DSE: variants seen among roughly 807,000 people sequenced by gnomAD.
DSE encodes the protein dermatan-sulfate epimerase.
In DSE, 36 loss-of-function variants were observed where a neutral mutation model predicts 84.4. The observed-to-expected ratio is 0.43, with a 90% CI of 0.33 to 0.56. The LOEUF is 0.56. Among genes scored for constraint, DSE ranks in the 20% least tolerant of loss-of-function variants. DSE has a pLI of 0.06. For synonymous variants in DSE, 410 were observed against 430.1 expected (o/e 0.95, Z 0.58); for missense variants, 862 against 1,169.6 (o/e 0.74, Z 3.84).
chr6:116,430,629 C>T (rs949171460), intron 3 of DSE, among the ~76,000 whole-genome samples: 3 of 152,126 alleles, frequency 2.0e-5, no homozygotes, highest in Non-Finnish European at 2.9e-5. Flanking sequence ...GCAAGCTCCA[C>T]CTCCCGGGTT....
chr6:116,413,044 A>G (rs772782725), intron 2 of DSE, among the ~76,000 whole-genome samples: 4 of 151,996 alleles, frequency 2.6e-5, no homozygotes, highest in South Asian at 2.1e-4. Flanking sequence ...ATTCTTTTCT[A>G]TGCCTGCCTA....
intron 1 of DSE, among the ~76,000 whole-genome samples, chr6:116,394,355 C>T (rs1233431781): frequency 1.3e-5 from 2 of 151,974 alleles, no homozygotes; most frequent in African/African-American, 2.4e-5. Flanking sequence ...TTGGCCTACA[C>T]GTAATGCTAA....
chr6:116,342,691 G>C (rs140383887), intron 2 of DSE, among the ~76,000 whole-genome samples: 1 of 152,326 alleles, frequency 6.6e-6, no homozygotes, highest in African/African-American at 2.4e-5. Flanking sequence ...ATACAGGAGA[G>C]GTTCCAAGAT....
At chr6:116,299,873 T>C (rs10456907) in intron 2 of DSE, among the ~76,000 whole-genome samples, 35,906 of 151,890 alleles carry the variant, frequency 0.24, 5,598 homozygotes, top group Non-Finnish European at 0.36. Flanking sequence ...GAATGTTACC[T>C]AACACATTTT....
intron 2 of DSE, among the ~76,000 whole-genome samples, chr6:116,407,012 A>C (rs1282654230): frequency 2.0e-5 from 3 of 152,234 alleles, no homozygotes; most frequent in Non-Finnish European, 4.4e-5. Flanking sequence ...GGGAGAAGAA[A>C]GTATAAATTT....
intron 2 of DSE, among the ~76,000 whole-genome samples, chr6:116,350,430 G>A (rs558922469): frequency 4.6e-5 from 7 of 151,954 alleles, no homozygotes; most frequent in East Asian, 1.9e-4. Flanking sequence ...TCTTCTTTTC[G>A]TATCACAAAA....
At chr6:116,372,809 C>T (rs1352765580) in intron 1 of DSE, among the ~76,000 whole-genome samples, 1 of 152,112 alleles carries the variant, frequency 6.6e-6, no homozygotes, top group East Asian at 1.9e-4. Flanking sequence ...GTGCTGGTTA[C>T]CTAGGTTACA....
chr6:116,323,918 A>G (rs773287025), intron 2 of DSE, among the ~76,000 whole-genome samples: 3 of 152,130 alleles, frequency 2.0e-5, no homozygotes, highest in African/African-American at 4.8e-5. Flanking sequence ...CAGCCAGGAT[A>G]TATTTTTAAT....
intron 2 of DSE, among the ~76,000 whole-genome samples, chr6:116,263,225 A>G (rs181769831): frequency 9.1e-4 from 139 of 152,308 alleles, no homozygotes; most frequent in Non-Finnish European, 1.5e-3. Context: ...GTCTCCCGCT[A>G]TTAATGTGTA....
At chr6:116,270,814 G>GT (rs1406333540) in intron 2 of DSE, among the ~76,000 whole-genome samples, 3 of 152,092 alleles carry the variant, frequency 2.0e-5, no homozygotes, top group African/African-American at 7.2e-5. Context: ...CTTCAATATG[G>GT]TGCAAAGTGT....
chr6:116,274,040 G>C (rs1349201565), intron 2 of DSE, among the ~76,000 whole-genome samples: 1 of 151,342 alleles, frequency 6.6e-6, no homozygotes, highest in Non-Finnish European at 1.5e-5. Flanking sequence ...ATGTTGGCCA[G>C]GCTGGTCTCG....
intron 2 of DSE, among the ~76,000 whole-genome samples, chr6:116,287,454 T>A (rs954395858): frequency 2.0e-5 from 3 of 152,106 alleles, no homozygotes; most frequent in African/African-American, 7.2e-5. Flanking sequence ...CATAGTTTAA[T>A]TGGCAGTGTT....
At chr6:116,345,272 T>C (rs1197369241) in intron 2 of DSE, among the ~76,000 whole-genome samples, 3 of 152,182 alleles carry the variant, frequency 2.0e-5, no homozygotes, top group Non-Finnish European at 4.4e-5. Flanking sequence ...GCGGACCTAA[T>C]AGACATCTAC....
chr6:116,311,498 T>C (rs1021262445), intron 2 of DSE, among the ~76,000 whole-genome samples: 2 of 152,198 alleles, frequency 1.3e-5, no homozygotes, highest in African/African-American at 4.8e-5. Flanking sequence ...GTTTTGCTTG[T>C]AACAACAAAA....
intron 2 of DSE, among the ~76,000 whole-genome samples, chr6:116,301,238 A>C (rs551779486): frequency 2.0e-5 from 3 of 152,066 alleles, no homozygotes; most frequent in Non-Finnish European, 4.4e-5. Context: ...CAAGTGTACA[A>C]CCTCCCTCGG....
intron 2 of DSE, among the ~76,000 whole-genome samples, chr6:116,304,172 G>A (rs1190874301): frequency 6.6e-6 from 1 of 151,926 alleles, no homozygotes; most frequent in Non-Finnish European, 1.5e-5. Flanking sequence ...GTCAGAGGAG[G>A]GGAAACGAAG....
chr6:116,347,865 C>G (rs927461082), intron 2 of DSE, among the ~76,000 whole-genome samples: 1 of 152,244 alleles, frequency 6.6e-6, no homozygotes, highest in East Asian at 1.9e-4. Context: ...GCAACCTACA[C>G]AATGGGAGAA....
intron 2 of DSE, among the ~76,000 whole-genome samples, chr6:116,268,401 GT>G (rs1205151927): frequency 2.6e-5 from 4 of 152,144 alleles, no homozygotes; most frequent in African/African-American, 7.2e-5. Flanking sequence ...TAAGTATATT[GT>G]ATGATGTTTG....
intron 2 of DSE, among the ~76,000 whole-genome samples, chr6:116,361,846 C>T (rs1374015562): frequency 2.0e-5 from 3 of 152,134 alleles, no homozygotes; most frequent in African/African-American, 7.2e-5. Flanking sequence ...CTGTTTAATG[C>T]ATTATGTCAT....
Sources: gnomAD v4.1 joint callset for allele counts (sites outside exome capture counted in the v4.1 genomes callset) on GRCh38, gnomAD v4.1.1 for gene constraint, MANE v1.5 for transcripts, NCBI Gene and HGNC (gene_info 2026-07-23, HGNC 2026-07-21) for gene names.